Variants in OR6J1 observed in about 807,000 individuals in gnomAD.
The protein encoded by OR6J1 is olfactory receptor family 6 subfamily J member 1.
For synonymous variants in OR6J1, 109 were observed against 70.0 expected, an observed-to-expected ratio of 1.56 and a Z score of -2.78; for missense variants, 304 against 166.8, an observed-to-expected ratio of 1.82 and a Z score of -4.53.
Position 22,634,306 on chromosome 14 carries a change from C to G in OR6J1, c.506G>C (p.Gly169Ala). Residue 169 changes from glycine to alanine, a missense_variant, in exon 2 of 2, where the codon GGC (glycine) becomes GCC (alanine). Physicochemically the swap from Gly to Ala is moderately conservative, Grantham distance 60. Coordinates refer to ENST00000540461, the MANE Select transcript of OR6J1 (RefSeq NM_001348233.2). Reference protein sequence around the residue: ...TILISQLPFCGSNIINHFFCD... With the variant: ...TILISQLPFCASNIINHFFCD... ...GAAGAAGTGGTTAATGATATTGGAGCCACAGAAGGGCAGCTGGGAGATGAG... is the reference window on the plus strand; with the variant it reads ...GAAGAAGTGGTTAATGATATTGGAGGCACAGAAGGGCAGCTGGGAGATGAG... The G allele has an allele frequency of 1.4e-6, 1 of 703,278 alleles. No individual in the cohort carries two copies. The highest frequency in any genetic ancestry group is 2.6e-6 in the Non-Finnish European group (1 of 384,994). 43.6% of individuals were successfully genotyped at this position (703,278 alleles called of 1,614,324 possible).
rs1027331780 is a variant in OR6J1 at position 22,631,146 on chromosome 14, G to A, written c.*2622C>T. On this transcript the variant is annotated 3_prime_UTR_variant, in exon 2 of 2. Transcript: ENST00000540461. ...CGAGATCACAGGACCACAGGACCAG[G>A]GTGAAATTAAAATTGCTAATGAAGT... is the stretch of plus-strand genomic sequence containing the variant. 1 of 152,144 alleles carries A rather than the reference G, an allele frequency of 6.6e-6. No individual in the cohort carries two copies. Among genetic ancestry groups the A allele is most frequent in the African/African-American group, 2.4e-5 (1 of 41,424 alleles). The allele number at this position is 152,144 out of a possible 1,614,324, so 9.4% of individuals were successfully genotyped here. A position where few individuals can be genotyped will look rare whatever the true frequency, so the allele number is the denominator to read the frequency against.
Position 22,634,647 on chromosome 14 carries a change from G to A in OR6J1, c.165C>T (p.His55=). The A allele has an allele frequency of 1.3e-6, 1 of 745,028 alleles. No individual in the cohort carries two copies. The highest frequency in any genetic ancestry group is 2.5e-6 in the Non-Finnish European group (1 of 403,556). The allele number at this position is 745,028 out of a possible 1,614,324, so 46.2% of individuals were successfully genotyped here. ...TGCACAAGAAGAAGTACATGGGGGTGTGGAGGCGGGAGCAGGACAGCACAG... is the reference window on the plus strand; with the variant it reads ...TGCACAAGAAGAAGTACATGGGGGTATGGAGGCGGGAGCAGGACAGCACAG... The part of the protein sequence containing the change: ...ISTVLSCSRL[H]TPMYFFLCNL... Residue 55 remains histidine (H), a synonymous_variant, in exon 2 of 2, where the codon CAC becomes CAT. Transcript: ENST00000540461.
At chr14:22,639,350 G>A (rs1350089656) in intron 1 of OR6J1, among the ~76,000 whole-genome samples, 5 of 128,394 alleles carry the variant, frequency 3.9e-5, no homozygotes, top group South Asian at 2.3e-4. Flanking sequence ...CACCCCGTCC[G>A]GGAGGGAGAT....
At chr14:22,643,742 CACACACACACACACACACACACAGAGAG>C (rs2037668139) in intron 1 of OR6J1, among the ~76,000 whole-genome samples, 1 of 97,206 alleles carries the variant, frequency 1.0e-5, no homozygotes, top group African/African-American at 4.0e-5. Context: ...CACACACACA[CACACACACACACACACACACACAGAGAG>C]AGAGAGAGAG....
At chr14:22,636,236 C>G (rs1417323790) in intron 1 of OR6J1, among the ~76,000 whole-genome samples, 2 of 18 alleles carry the variant, frequency 0.11, no homozygotes, top group East Asian at 0.33. Context: ...CCCTCTCCCT[C>G]TCCCTCTCCC....
rs1190986397 is a variant in OR6J1 at position 22,638,679 on chromosome 14, A to T, written c.-27-3841T>A. Among the ~76,000 whole-genome samples the T allele has an allele frequency of 2.1e-4, 32 of 150,102 alleles. 3 individuals carry two copies. The highest frequency in any genetic ancestry group is 1.7e-3 in the Admixed American group (26 of 15,216). ...AAAATAAAAATAAAAAAAAAATAAAAAAAATTAAGACACTAGCAAGATACC... is the reference window on the plus strand; with the variant it reads ...AAAATAAAAATAAAAAAAAAATAAATAAAATTAAGACACTAGCAAGATACC... On this transcript the variant is annotated intron_variant, in intron 1 of 1. Transcript: ENST00000540461.
chr14:22,643,752 CACACACACACACAGAGAG>C (rs1222021511), intron 1 of OR6J1, among the ~76,000 whole-genome samples: 9 of 107,180 alleles, frequency 8.4e-5, no homozygotes, highest in African/African-American at 3.4e-4. Context: ...CACACACACA[CACACACACACACAGAGAG>C]AGAGAGAGAG....
Position 22,634,024 on chromosome 14 carries a change from T to C in OR6J1, c.788A>G (p.Gln263Arg). 1.4e-6 allele frequency: 1 copy of C among 702,846 alleles called. No individual in the cohort carries two copies. The highest frequency in any genetic ancestry group is 2.6e-6 in the Non-Finnish European group (1 of 384,836). 43.5% of individuals were successfully genotyped at this position (702,846 alleles called of 1,614,324 possible). A position where few individuals can be genotyped will look rare whatever the true frequency, so the allele number is the denominator to read the frequency against. The change falls in exon 2 of 2, where the codon CAG (glutamine) becomes CGG (arginine). Residue 263 changes from glutamine (Q) to arginine (R), a missense_variant. Physicochemically the swap from Gln to Arg is conservative, Grantham distance 43. Coordinates refer to ENST00000540461, the MANE Select transcript of OR6J1 (RefSeq NM_001348233.2). ...CTTGTTGATCTCCAGATATTCTTTC[T>C]GGGAGGGAGTCACATAGATAAACAC... ...ITVFIYVTPS[Q>R]KEYLEINKIP...
At chr14:22,643,793 AG>A (rs2037670888) in intron 1 of OR6J1, among the ~76,000 whole-genome samples, 7 of 150,118 alleles carry the variant, frequency 4.7e-5, no homozygotes, top group African/African-American at 1.7e-4. Flanking sequence ...AGAGAGAGAG[AG>A]AGAGACAGCA....
Position 22,633,439 on chromosome 14 carries a change from G to A in OR6J1, c.*329C>T, listed in dbSNP as rs1045932581. 11 of 238,764 alleles carry A rather than the reference G, an allele frequency of 4.6e-5. No individual in the cohort carries two copies. Among genetic ancestry groups the A allele is most frequent in the Non-Finnish European group, 8.1e-5 (10 of 123,232 alleles). 14.8% of individuals were successfully genotyped at this position (238,764 alleles called of 1,614,324 possible). ...TGCAGAGAAGTTCAGGAAGGACTTC[G>A]TGTCAAGCCGATAGAACAGTTGTGT... On this transcript the variant is annotated 3_prime_UTR_variant, in exon 2 of 2. Coordinates refer to ENST00000540461, the MANE Select transcript of OR6J1 (RefSeq NM_001348233.2).
chr14:22,633,535 A>G lies in OR6J1; in HGVS notation c.*233T>C, dbSNP rs1227669410. On this transcript the variant is annotated 3_prime_UTR_variant, in exon 2 of 2. Transcript: ENST00000540461. ...AGGAAATAGGCTGCATGGCCCTTCC[A>G]TTCTTACAATATTCAGTGTGGATGG... is the stretch of plus-strand genomic sequence containing the variant. The G allele has an allele frequency of 6.2e-6, 3 of 485,454 alleles. No individual in the cohort carries two copies. In the Admixed American group the frequency reaches 1.1e-4, roughly 18 times the overall value. The allele number at this position is 485,454 out of a possible 1,614,324, so 30.1% of individuals were successfully genotyped here. A position where few individuals can be genotyped will look rare whatever the true frequency, so the allele number is the denominator to read the frequency against.
In OR6J1 at chr14:22,644,273, C is replaced by T. The variant is rs1239499733; in HGVS notation, c.-203G>A. On this transcript the variant is annotated 5_prime_UTR_variant, in exon 1 of 2. Transcript: ENST00000540461. Reference sequence around the variant, plus strand: ...CCTTCCCAACTCATGTGGATTGTTGCCTTAGCTGTGACCTCTTGTCCGACG... The same window carrying T: ...CCTTCCCAACTCATGTGGATTGTTGTCTTAGCTGTGACCTCTTGTCCGACG... 1 of 152,272 alleles carries T rather than the reference C, an allele frequency of 6.6e-6. No homozygotes were observed. The highest frequency in any genetic ancestry group is 1.5e-5 in the Non-Finnish European group (1 of 68,080). 9.4% of individuals were successfully genotyped at this position (152,272 alleles called of 1,614,324 possible).
rs1238609231 is a variant in OR6J1 at position 22,633,123 on chromosome 14, T to G, written c.*645A>C. On this transcript the variant is annotated 3_prime_UTR_variant, in exon 2 of 2. Transcript: ENST00000540461. ...AGGTCACTGGCCAGTCTCTTAGGTG[T>G]GCAAGTGTCCCTGCAGGTGATGGGT... 1.3e-5 allele frequency: 2 copies of G among 152,808 alleles called. No individual in the cohort carries two copies. The allele number at this position is 152,808 out of a possible 1,614,324, so 9.5% of individuals were successfully genotyped here.
Position 22,634,852 on chromosome 14 carries a change from G to T in OR6J1, c.-27-14C>A. ...GGCTCAATTCTCCTAACAGAACAAA[G>T]GGAGATAACACTTAAGAGAGTGTTC... On this transcript the variant is annotated splice_polypyrimidine_tract_variant and intron_variant, in intron 1 of 1. Coordinates refer to ENST00000540461, the MANE Select transcript of OR6J1 (RefSeq NM_001348233.2). The T allele has an allele frequency of 3.1e-6, 2 of 635,974 alleles. No homozygotes were observed. Among genetic ancestry groups the T allele is most frequent in the South Asian group, 1.8e-5 (1 of 54,796 alleles). The allele number at this position is 635,974 out of a possible 1,614,324, so 39.4% of individuals were successfully genotyped here.
At chr14:22,638,862 C>T (rs1207222361) in intron 1 of OR6J1, among the ~76,000 whole-genome samples, 1 of 134,806 alleles carries the variant, frequency 7.4e-6, no homozygotes, top group Non-Finnish European at 1.6e-5. Context: ...GGCCGCCATC[C>T]CATCTAGGAA....
chr14:22,641,462 AAAGAAAAAGAAAGAAAGGAAGG>A (rs2037651202), intron 1 of OR6J1, among the ~76,000 whole-genome samples: 4 of 52,206 alleles, frequency 7.7e-5, no homozygotes, highest in South Asian at 8.5e-4. Context: ...AGAAAGAAAG[AAAGAAAAAGAAAGAAAGGAAGG>A]AAGGAAGGAG....
At chr14:22,640,482 T>TG (rs1303397821) in intron 1 of OR6J1, among the ~76,000 whole-genome samples, 4 of 143,870 alleles carry the variant, frequency 2.8e-5, no homozygotes, top group African/African-American at 8.0e-5. Flanking sequence ...ACAGTGAGAA[T>TG]GTATTTTTTT....
chr14:22,635,369 T>C (rs763504860), intron 1 of OR6J1, among the ~76,000 whole-genome samples: 1 of 152,202 alleles, frequency 6.6e-6, no homozygotes, highest in Non-Finnish European at 1.5e-5. Flanking sequence ...ATTCAAAATG[T>C]ATTATTAAGT....
intron 1 of OR6J1, among the ~76,000 whole-genome samples, chr14:22,639,058 T>C (rs1196495551): frequency 1.3e-5 from 1 of 76,978 alleles, no homozygotes; most frequent in East Asian, 3.4e-4. Flanking sequence ...GGCCGCCCCG[T>C]CTGAGAAGTG....
Sources: allele counts gnomAD v4.1 joint callset (sites outside exome capture counted in the v4.1 genomes callset), GRCh38; gene constraint gnomAD v4.1.1; transcripts MANE v1.5; gene names NCBI Gene and HGNC (gene_info 2026-07-23, HGNC 2026-07-21).